NOX4: variants seen among roughly 807,000 people sequenced by gnomAD.
NOX4 encodes NADPH oxidase 4.
Under a neutral mutation model 87.6 loss-of-function variants are expected in NOX4, and 69 were observed. The observed-to-expected ratio is 0.79, with a 90% CI of 0.65 to 0.96. The LOEUF is 0.96. Among genes scored for constraint, NOX4 ranks in the 40% least tolerant of loss-of-function variants. The pLI is 0.00. For synonymous variants in NOX4, 275 were observed against 238.2 expected (o/e 1.15, Z -1.42); for missense variants, 680 against 681.5 (o/e 1.00, Z 0.02).
intron 8 of NOX4, among the ~76,000 whole-genome samples, chr11:89,421,442 T>A (rs1943080072): frequency 1.3e-5 from 2 of 152,256 alleles, no homozygotes; most frequent in South Asian, 2.1e-4. Flanking sequence ...CAGATCCTTT[T>A]CTTTGGTTAT....
chr11:89,340,999 G>A (rs1366355841), intron 14 of NOX4, among the ~76,000 whole-genome samples: 2 of 151,844 alleles, frequency 1.3e-5, no homozygotes, highest in African/African-American at 4.8e-5. Context: ...GAATAGATTT[G>A]AGAATAACTT....
At chr11:89,376,607 C>T (rs998915282) in intron 11 of NOX4, among the ~76,000 whole-genome samples, 1 of 152,030 alleles carries the variant, frequency 6.6e-6, no homozygotes, top group Non-Finnish European at 1.5e-5. Flanking sequence ...ACATGGCTGG[C>T]CGCAGTGGCT....
At chr11:89,550,014 G>A in the NOX4 span, among the ~76,000 whole-genome samples, 136 of 152,104 alleles carry the variant, frequency 8.9e-4, no homozygotes, top group African/African-American at 2.8e-3. Flanking sequence ...GTATATGCCC[G>A]GTAATGGGAT....
chr11:89,554,774 T>C, the NOX4 span, among the ~76,000 whole-genome samples: 2,148 of 152,238 alleles, frequency 0.014, 19 homozygotes, highest in Non-Finnish European at 0.02. Context: ...CAGATTACAT[T>C]TTTAAAAACC....
intron 7 of NOX4, among the ~76,000 whole-genome samples, chr11:89,429,545 A>G (rs1191969043): frequency 1.3e-5 from 2 of 152,228 alleles, no homozygotes; most frequent in African/African-American, 2.4e-5. Flanking sequence ...CCGATCGCAC[A>G]GAAATATAAA....
chr11:89,350,436 A>G (rs1162958368), intron 13 of NOX4, among the ~76,000 whole-genome samples: 1 of 152,158 alleles, frequency 6.6e-6, no homozygotes, highest in Non-Finnish European at 1.5e-5. Context: ...TAGGGACACT[A>G]TGTTGACTAA....
At chr11:89,540,382 T>C in the NOX4 span, among the ~76,000 whole-genome samples, 8 of 152,242 alleles carry the variant, frequency 5.3e-5, no homozygotes, top group East Asian at 1.5e-3. Context: ...TACAGCTAAG[T>C]AGTTTTTCAG....
chr11:89,349,726 A>T (rs1286190463), intron 13 of NOX4, among the ~76,000 whole-genome samples: 9 of 152,168 alleles, frequency 5.9e-5, no homozygotes, highest in Non-Finnish European at 1.0e-4. Flanking sequence ...CCAAGTAGAA[A>T]CAGTTTATTC....
At chr11:89,565,254 T>C in the NOX4 span, among the ~76,000 whole-genome samples, 1 of 152,078 alleles carries the variant, frequency 6.6e-6, no homozygotes. Flanking sequence ...TTTTGATATA[T>C]GATATATCAA....
intron 14 of NOX4, among the ~76,000 whole-genome samples, chr11:89,341,039 A>G (rs1017109477): frequency 6.6e-6 from 1 of 152,060 alleles, no homozygotes; most frequent in African/African-American, 2.4e-5. Flanking sequence ...GTGTTTTCAT[A>G]AGAATATCAA....
At chr11:89,477,515 C>G (rs1375984423) in intron 2 of NOX4, among the ~76,000 whole-genome samples, 1 of 151,656 alleles carries the variant, frequency 6.6e-6, no homozygotes, top group African/African-American at 2.4e-5. Context: ...GACTGGGGAC[C>G]GCTGAAAGAG....
chr11:89,400,045 A>C lies in NOX4; in HGVS notation c.1046T>G (p.Leu349Ter). 6.2e-7 allele frequency: 1 copy of C among 1,609,056 alleles called. No individual in the cohort carries two copies. The highest frequency in any genetic ancestry group is 8.5e-7 in the Non-Finnish European group (1 of 1,176,390). Residue 349 changes from leucine (L) to a stop codon, truncating the protein, a stop_gained, in exon 11 of 18, where the codon TTA becomes TGA. Coordinates refer to ENST00000263317, the MANE Select transcript of NOX4 (RefSeq NM_016931.5). LOFTEE classifies it high-confidence loss of function. ...TGTGAGGGTAAATGGATGATTTTCT[A>C]ATGCAGATACACTGGGACAATGTAG... is the stretch of plus-strand genomic sequence containing the variant. Reference protein sequence around the residue: ...ITLHCPSVSALENHPFTLTMC... With the variant: ...ITLHCPSVSA
At chr11:89,402,260 A>G (rs1361842769) in intron 9 of NOX4, 66 bp downstream of exon 9, 2 of 1,171,846 alleles carry the variant, frequency 1.7e-6, no homozygotes, top group Non-Finnish European at 2.6e-6. Flanking sequence ...AAACACATTT[A>G]TATGTGATGT....
chr11:89,337,367 G>A (rs1286868106), intron 16 of NOX4, 80 bp downstream of exon 16: 17 of 1,590,016 alleles, frequency 1.1e-5, no homozygotes, highest in Non-Finnish European at 1.4e-5. Flanking sequence ...CCACCTGCAG[G>A]AATTTTCTTC....
intron 7 of NOX4, among the ~76,000 whole-genome samples, chr11:89,431,653 A>G (rs1448371450): frequency 6.6e-6 from 1 of 152,190 alleles, no homozygotes; most frequent in East Asian, 1.9e-4. Context: ...ACAATGAGAT[A>G]CCATTTCACA....
At chr11:89,469,210 G>A (rs1945826991) in intron 2 of NOX4, among the ~76,000 whole-genome samples, 1 of 152,058 alleles carries the variant, frequency 6.6e-6, no homozygotes, top group African/African-American at 2.4e-5. Flanking sequence ...CAAATTAAGG[G>A]AACATAAGAT....
At chr11:89,531,182 A>G in the NOX4 span, among the ~76,000 whole-genome samples, 1 of 152,192 alleles carries the variant, frequency 6.6e-6, no homozygotes, top group Non-Finnish European at 1.5e-5. Flanking sequence ...TCAAAGATCA[A>G]GTTGACCCCA....
At chr11:89,417,817 A>G (rs1187663626) in intron 8 of NOX4, among the ~76,000 whole-genome samples, 3 of 152,196 alleles carry the variant, frequency 2.0e-5, no homozygotes, top group Admixed American at 6.6e-5. Context: ...TAAACCCAAG[A>G]CAACACTATG....
the NOX4 span, among the ~76,000 whole-genome samples, chr11:89,569,085 T>C: frequency 4.2e-4 from 64 of 151,706 alleles, 1 homozygote; most frequent in Non-Finnish European, 5.9e-5. Flanking sequence ...AAGACTTAAA[T>C]GTAAAACTTT....
Sources: allele counts gnomAD v4.1 joint callset (sites outside exome capture counted in the v4.1 genomes callset), GRCh38; gene constraint gnomAD v4.1.1; transcripts MANE v1.5; gene names NCBI Gene and HGNC (gene_info 2026-07-23, HGNC 2026-07-21).